Variants in CCNY observed in about 807,000 individuals in gnomAD.
The protein encoded by CCNY is cyclin Y.
A neutral mutation model predicts 42.8 loss-of-function variants in CCNY; 19 were observed. The observed-to-expected ratio is 0.44, with a 90% CI of 0.31 to 0.65. The LOEUF (loss-of-function observed/expected upper bound fraction) is 0.65, where lower values mean the gene tolerates loss of function less well. CCNY is among the 30% of genes least tolerant of loss of function. The pLI, the probability that CCNY is intolerant of heterozygous loss-of-function variation, is 0.07. For synonymous variants in CCNY, 165 were observed against 162.7 expected (o/e 1.01, Z -0.11); for missense variants, 370 against 437.3 (o/e 0.85, Z 1.37).
intron 1 of CCNY, among the ~76,000 whole-genome samples, chr10:35,388,576 A>G (rs1837344598): frequency 6.6e-6 from 1 of 152,208 alleles, no homozygotes. Flanking sequence ...GGCTGATGGA[A>G]TGAGTATTCT....
intron 2 of CCNY, 78 bp from the exon 3 acceptor site, chr10:35,501,423 G>A: frequency 8.1e-7 from 1 of 1,229,552 alleles, no homozygotes. Context: ...CCACGACACA[G>A]AGGCCCAGTC....
chr10:35,415,381 G>A (rs1378386102), intron 1 of CCNY, among the ~76,000 whole-genome samples: 8 of 152,160 alleles, frequency 5.3e-5, no homozygotes, highest in African/African-American at 1.9e-4. Flanking sequence ...AGCCTTGAGG[G>A]TAGAAGGGCT....
chr10:35,403,975 G>A (rs1837701663), intron 1 of CCNY, among the ~76,000 whole-genome samples: 1 of 152,274 alleles, frequency 6.6e-6, no homozygotes, highest in African/African-American at 2.4e-5. Context: ...ACAGTCATGG[G>A]GGTCAGGTGT....
At chr10:35,319,828 T>C (rs1835801247) in intron 3 of CCNY, among the ~76,000 whole-genome samples, 1 of 152,136 alleles carries the variant, frequency 6.6e-6, no homozygotes. Context: ...TAGGCGCCTG[T>C]GATCCCAGCT....
At chr10:35,420,346 A>T (rs1838133414) in intron 1 of CCNY, among the ~76,000 whole-genome samples, 1 of 152,140 alleles carries the variant, frequency 6.6e-6, no homozygotes, top group South Asian at 2.1e-4. Context: ...AGTGGCCCTA[A>T]AAGCAGCGAG....
chr10:35,545,448 C>A (rs959896805), intron 7 of CCNY, among the ~76,000 whole-genome samples: 157 of 152,348 alleles, frequency 1.0e-3, no homozygotes, highest in African/African-American at 3.5e-3. Flanking sequence ...TGACGTATTA[C>A]AATGTGTGGG....
At chr10:35,539,102 T>G (rs771060054) in intron 7 of CCNY, among the ~76,000 whole-genome samples, 19 of 152,238 alleles carry the variant, frequency 1.2e-4, no homozygotes, top group Non-Finnish European at 2.5e-4. Context: ...GTTTTCAATT[T>G]TGTTCCATTT....
intron 3 of CCNY, among the ~76,000 whole-genome samples, chr10:35,253,921 G>C (rs1055505143): frequency 6.6e-6 from 1 of 150,574 alleles, no homozygotes; most frequent in Non-Finnish European, 1.5e-5. Flanking sequence ...TGTCGCCCAG[G>C]CTGGAGTGTA....
At chr10:35,257,372 G>A (rs2095716470) in intron 3 of CCNY, among the ~76,000 whole-genome samples, 2 of 149,584 alleles carry the variant, frequency 1.3e-5, no homozygotes, top group African/African-American at 4.9e-5. Flanking sequence ...CAGACTCCTG[G>A]GCTCGGGTGA....
chr10:35,367,638 G>A (rs1355305338), intron 1 of CCNY, among the ~76,000 whole-genome samples: 1 of 152,236 alleles, frequency 6.6e-6, no homozygotes, highest in Non-Finnish European at 1.5e-5. Context: ...TTCCGCCATA[G>A]AAGTCACTTT....
chr10:35,398,091 TC>T (rs1837563598), intron 1 of CCNY, among the ~76,000 whole-genome samples: 1 of 152,116 alleles, frequency 6.6e-6, no homozygotes, highest in Non-Finnish European at 1.5e-5. Flanking sequence ...TAGCTGGGCT[TC>T]CTGGGGCCCG....
At chr10:35,498,521 T>C (rs1840046394) in intron 2 of CCNY, among the ~76,000 whole-genome samples, 1 of 152,152 alleles carries the variant, frequency 6.6e-6, no homozygotes. Flanking sequence ...TCAGTTAAGG[T>C]TGAGCAGAGC....
rs958077652 is a variant in CCNY at position 35,566,146 on chromosome 10, C to G, written c.870C>G (p.Pro290=). 1 of 1,614,084 alleles carries G rather than the reference C, an allele frequency of 6.2e-7. No individual in the cohort carries two copies. The highest frequency in any genetic ancestry group is 8.5e-7 in the Non-Finnish European group (1 of 1,180,034). Reference sequence around the variant, plus strand: ...CAGAAGCGAACAACCTGAGCTTTCCCTTGGAGCCCCTGAGCAGGGAGAGGG... The same window carrying G: ...CAGAAGCGAACAACCTGAGCTTTCCGTTGGAGCCCCTGAGCAGGGAGAGGG... The part of the protein sequence containing the change: ...SLAEANNLSF[P]LEPLSRERAH... The change falls in exon 9 of 10, where the codon CCC becomes CCG. Residue 290 remains proline (P), a synonymous_variant. Transcript: ENST00000374704.
In CCNY at chr10:35,530,853, C is replaced by G. The variant is rs1414850543; in HGVS notation, c.579+610C>G. Among the ~76,000 whole-genome samples, 2 of 152,172 alleles carry G rather than the reference C, an allele frequency of 1.3e-5. No individual in the cohort carries two copies. Among genetic ancestry groups the G allele is most frequent in the African/African-American group, 4.8e-5 (2 of 41,434 alleles). On this transcript the variant is annotated intron_variant, in intron 7 of 9. Coordinates refer to ENST00000374704, the MANE Select transcript of CCNY (RefSeq NM_145012.6). This position sits in a 1 kb window ranked among gnomAD's most constrained non-coding sequence, Gnocchi z 4.3. ...TTGGGAGGTCAAGGTGGGAGGATCACTTGAGCCCAGGAGTTTGAGACCAGT... is the reference window on the plus strand; with the variant it reads ...TTGGGAGGTCAAGGTGGGAGGATCAGTTGAGCCCAGGAGTTTGAGACCAGT...
intron 8 of CCNY, among the ~76,000 whole-genome samples, chr10:35,556,237 T>G (rs1489752642): frequency 3.3e-5 from 5 of 152,170 alleles, no homozygotes; most frequent in African/African-American, 9.7e-5. Context: ...GGTCTGACCA[T>G]AAATAGTTCT....
At chr10:35,344,096 G>C (rs1232151056) in intron 1 of CCNY, among the ~76,000 whole-genome samples, 2 of 152,208 alleles carry the variant, frequency 1.3e-5, no homozygotes, top group African/African-American at 4.8e-5. Context: ...CTCTTCAGAT[G>C]TTGAGTAGTT....
At chr10:35,527,500 A>G (rs968681680) in intron 5 of CCNY, among the ~76,000 whole-genome samples, 1 of 152,216 alleles carries the variant, frequency 6.6e-6, no homozygotes, top group Non-Finnish European at 1.5e-5. Flanking sequence ...ACATGCTTTA[A>G]TAACAACTCC....
At chr10:35,490,741 C>A (rs1033950612) in intron 2 of CCNY, among the ~76,000 whole-genome samples, 2 of 152,212 alleles carry the variant, frequency 1.3e-5, no homozygotes, top group African/African-American at 2.4e-5. Flanking sequence ...GACACATGAA[C>A]CTGGATTGAA....
chr10:35,410,388 G>A (rs1837877607), intron 1 of CCNY, among the ~76,000 whole-genome samples: 1 of 152,262 alleles, frequency 6.6e-6, no homozygotes, highest in African/African-American at 2.4e-5. Flanking sequence ...ATTTCTAAGA[G>A]ATTTTTTTCT....
Sources: gnomAD v4.1 joint callset for allele counts (sites outside exome capture counted in the v4.1 genomes callset) on GRCh38, gnomAD v4.1.1 for gene constraint, Gnocchi (gnomAD v3.1) non-coding constraint, MANE v1.5 for transcripts, NCBI Gene and HGNC (gene_info 2026-07-23, HGNC 2026-07-21) for gene names.